The following NT5DC3 variants were observed in gnomAD, a reference collection of about 807,000 sequenced individuals.
NT5DC3 encodes the protein 5'-nucleotidase domain-containing protein 3.
NT5DC3 carries 42 observed loss-of-function variants against 67.8 expected under a neutral mutation model. That is an observed-to-expected ratio of 0.62 (90% CI 0.48 to 0.80). The LOEUF (loss-of-function observed/expected upper bound fraction) is 0.80. Among genes scored for constraint, NT5DC3 ranks in the 30% least tolerant of loss-of-function variants. The probability of loss-of-function intolerance (pLI) is 0.00; values close to 1 mark genes in which losing one functional copy is unlikely to be tolerated. For missense variants in NT5DC3, 570 were observed against 696.4 expected (o/e 0.82, Z 2.04); for synonymous variants, 237 against 255.6 (o/e 0.93, Z 0.69).
chr12:103,746,395 T>C, the NT5DC3 span: 3 of 540,554 alleles, frequency 5.5e-6, no homozygotes, highest in East Asian at 9.3e-5. Flanking sequence ...GCAGAGATCA[T>C]GTCTTACTAT....
At chr12:103,820,254 A>G (rs1887436437) in intron 1 of NT5DC3, among the ~76,000 whole-genome samples, 1 of 152,224 alleles carries the variant, frequency 6.6e-6, no homozygotes, top group Non-Finnish European at 1.5e-5. Flanking sequence ...TTTTGGGTGC[A>G]TACCTAGAAG....
At chr12:103,840,402 T>TCTCATCTCATCTCAC (rs1888345841) in intron 1 of NT5DC3, among the ~76,000 whole-genome samples, 1 of 147,686 alleles carries the variant, frequency 6.8e-6, no homozygotes, top group African/African-American at 2.5e-5. Context: ...TCTCATCTCA[T>TCTCATCTCATCTCAC]CTCATCTCAT....
downstream of NT5DC3, among the ~76,000 whole-genome samples, chr12:103,769,647 G>A (rs56255894): frequency 0.095 from 14,426 of 152,234 alleles, 939 homozygotes; most frequent in East Asian, 0.27. Flanking sequence ...GATGCAGGGT[G>A]GGAGGCTACA....
chr12:103,760,674 T>C, the NT5DC3 span, among the ~76,000 whole-genome samples: 1 of 152,210 alleles, frequency 6.6e-6, no homozygotes, highest in South Asian at 2.1e-4. Context: ...ATAACCATGA[T>C]GTCGGATTCA....
intron 5 of NT5DC3, among the ~76,000 whole-genome samples, chr12:103,797,637 G>A (rs968463818): frequency 2.6e-5 from 4 of 151,968 alleles, no homozygotes; most frequent in Admixed American, 1.3e-4. Context: ...TCCCATTTCC[G>A]GTTCACACTC....
intron 1 of NT5DC3, among the ~76,000 whole-genome samples, chr12:103,833,310 A>G (rs921833889): frequency 6.6e-6 from 1 of 152,226 alleles, no homozygotes; most frequent in Non-Finnish European, 1.5e-5. Flanking sequence ...CATCTCTTTA[A>G]CCACATCTCT....
downstream of NT5DC3, chr12:103,766,272 CCT>C (rs767992367): frequency 1.2e-6 from 2 of 1,613,858 alleles, no homozygotes; most frequent in African/African-American, 1.3e-5. Context: ...CCCTTACAAC[CCT>C]CTCTTTTCCA....
chr12:103,755,160 CT>C, the NT5DC3 span: 3 of 1,144,584 alleles, frequency 2.6e-6, no homozygotes, highest in Non-Finnish European at 3.7e-6. Context: ...TGACCACCTA[CT>C]GTGTGCCAGG....
intron 1 of NT5DC3, among the ~76,000 whole-genome samples, chr12:103,839,037 T>C (rs1270426995): frequency 6.6e-6 from 1 of 152,208 alleles, no homozygotes; most frequent in Non-Finnish European, 1.5e-5. Context: ...CCCTTGACTG[T>C]GGTGGTGGAT....
the NT5DC3 span, among the ~76,000 whole-genome samples, chr12:103,764,351 T>TTTGATGAGGCCTTATAGTA: frequency 6.6e-6 from 1 of 152,226 alleles, no homozygotes; most frequent in Admixed American, 6.5e-5. Flanking sequence ...GCTACTTTTC[T>TTTGATGAGGCCTTATAGTA]TTGATGAGGC....
the NT5DC3 span, among the ~76,000 whole-genome samples, chr12:103,756,654 G>A: frequency 3.3e-5 from 5 of 152,128 alleles, no homozygotes; most frequent in Admixed American, 6.6e-5. Flanking sequence ...TTTCGAGTAC[G>A]GAACAAGGAC....
chr12:103,765,885 C>T (rs919877805), downstream of NT5DC3: 3 of 356,152 alleles, frequency 8.4e-6, no homozygotes, highest in African/African-American at 2.1e-5. Context: ...CAAGAGCCAC[C>T]ACTGGTTCAA....
intron 1 of NT5DC3, among the ~76,000 whole-genome samples, chr12:103,838,150 T>C (rs1888230225): frequency 6.6e-6 from 1 of 152,192 alleles, no homozygotes; most frequent in African/African-American, 2.4e-5. Context: ...TCAAGACTTA[T>C]TCACTATCAT....
chr12:103,757,018 T>A, the NT5DC3 span, among the ~76,000 whole-genome samples: 1,074 of 128,054 alleles, frequency 8.4e-3, 21 homozygotes, highest in Admixed American at 0.025. Flanking sequence ...TATATATATA[T>A]ATATATATAT....
rs1566101968 is a variant in NT5DC3, at chr12:103,787,418, CAAAGG to C, written c.1188+18_1188+22del. The C allele has an allele frequency of 1.5e-6, 2 of 1,359,428 alleles. No homozygotes were observed. Among genetic ancestry groups the C allele is most frequent in the Non-Finnish European group, 2.0e-6 (2 of 991,400 alleles). The allele number at this position is 1,359,428 out of a possible 1,614,324, so 84.2% of individuals were successfully genotyped here. On this transcript the variant is annotated intron_variant, in intron 11 of 13. Transcript: ENST00000392876. ...TGAGACTAACACATCTGTCCCCCAA[CAAAGG>C]AAAAAAGGGCCCCTCACCGCCAGGT...
At chr12:103,840,427 T>C (rs1888356381) in intron 1 of NT5DC3, among the ~76,000 whole-genome samples, 1 of 150,506 alleles carries the variant, frequency 6.6e-6, no homozygotes, top group Non-Finnish European at 1.5e-5. Flanking sequence ...TCTCATTCCA[T>C]CCCATTCCAT....
chr12:103,758,553 A>C, the NT5DC3 span, among the ~76,000 whole-genome samples: 1 of 152,180 alleles, frequency 6.6e-6, no homozygotes, highest in Non-Finnish European at 1.5e-5. Context: ...TCTCAGGGCA[A>C]TGGCAGGGAG....
chr12:103,792,048 C>G (rs1249965588), intron 9 of NT5DC3, among the ~76,000 whole-genome samples: 1 of 152,178 alleles, frequency 6.6e-6, no homozygotes, highest in Non-Finnish European at 1.5e-5. Context: ...CACTGATCAC[C>G]CCAGAGTTTA....
At chr12:103,834,984 G>T (rs1888084091) in intron 1 of NT5DC3, among the ~76,000 whole-genome samples, 1 of 152,190 alleles carries the variant, frequency 6.6e-6, no homozygotes, top group Non-Finnish European at 1.5e-5. Context: ...AAGCTCAAGG[G>T]TCAGCCTCAG....
Sources: gnomAD v4.1 joint callset for allele counts (sites outside exome capture counted in the v4.1 genomes callset) on GRCh38, gnomAD v4.1.1 for gene constraint, MANE v1.5 for transcripts, NCBI Gene and HGNC (gene_info 2026-07-23, HGNC 2026-07-21) for gene names.